HMCN1: variants seen among roughly 807,000 people sequenced by gnomAD.
HMCN1 encodes the protein hemicentin-1.
HMCN1 carries 321 observed loss-of-function variants against 625.9 expected under a neutral mutation model. The ratio of observed to expected loss-of-function variants is 0.51; its 90% CI spans 0.47 to 0.56. The LOEUF is 0.56. Among genes scored for constraint, HMCN1 ranks in the 20% least tolerant of loss-of-function variants. HMCN1 has a pLI of 0.00. For synonymous variants in HMCN1, 2,425 were observed against 2,417.6 expected, an observed-to-expected ratio of 1.00 and a Z score of -0.09; for missense variants, 6,588 against 6,887.3, an observed-to-expected ratio of 0.96 and a Z score of 1.54.
At chr1:185,780,630 G>A (rs183834576) in intron 1 of HMCN1, among the ~76,000 whole-genome samples, 6,170 of 152,236 alleles carry the variant, frequency 0.041, 405 homozygotes, top group African/African-American at 0.14. Context: ...CTTTGGTTCT[G>A]TTTATATGCT....
At chr1:185,927,625 G>T (rs1235770982) in intron 9 of HMCN1, among the ~76,000 whole-genome samples, 1 of 152,082 alleles carries the variant, frequency 6.6e-6, no homozygotes, top group African/African-American at 2.4e-5. Context: ...TTTGGATGGG[G>T]AGCGATCTAG....
At chr1:186,155,710 A>G (rs1164601289) in intron 97 of HMCN1, among the ~76,000 whole-genome samples, 1 of 152,152 alleles carries the variant, frequency 6.6e-6, no homozygotes, top group African/African-American at 2.4e-5. Flanking sequence ...GCCCCTTACT[A>G]TCCTTAGACA....
At position 185,812,333 on chromosome 1, in the gene HMCN1, A is replaced by C. The variant is rs56391932; in HGVS notation, c.269-33693A>C. Among the ~76,000 whole-genome samples, 95 of 152,298 alleles carry C rather than the reference A, an allele frequency of 6.2e-4. No homozygotes were observed. The Middle Eastern group carries it at 0.017, about 27-fold the overall frequency. ...TCAAATCAACGGAAAATACATACACAAGAGACTGCATCATCTTAAAAGCTA... is the reference window on the plus strand; with the variant it reads ...TCAAATCAACGGAAAATACATACACCAGAGACTGCATCATCTTAAAAGCTA... On this transcript the variant is annotated intron_variant, in intron 1 of 106. Coordinates refer to ENST00000271588, the MANE Select transcript of HMCN1 (RefSeq NM_031935.3).
chr1:186,090,099 C>T (rs535902656), intron 63 of HMCN1, among the ~76,000 whole-genome samples: 27 of 151,982 alleles, frequency 1.8e-4, no homozygotes, highest in African/African-American at 5.8e-4. Flanking sequence ...CTACCTTCTG[C>T]ACATCGCTAT....
intron 34 of HMCN1, 104 bp from the exon 35 acceptor site, chr1:186,019,435 CTT>C (rs11290212): frequency 3.4e-4 from 239 of 706,384 alleles, no homozygotes; most frequent in Admixed American, 9.6e-4. Context: ...TAGGGATTTG[CTT>C]TTTTTTTTTC....
chr1:185,945,890 T>A (rs12035961), intron 11 of HMCN1, among the ~76,000 whole-genome samples: 1 of 152,298 alleles, frequency 6.6e-6, no homozygotes, highest in East Asian at 1.9e-4. Flanking sequence ...GAGGAATCAT[T>A]TGGTTTTGTG....
chr1:185,865,421 A>G (rs1419233755), intron 3 of HMCN1, among the ~76,000 whole-genome samples: 2 of 152,172 alleles, frequency 1.3e-5, no homozygotes, highest in Non-Finnish European at 2.9e-5. Flanking sequence ...ACTGAGTGAT[A>G]CAGGGAGGGG....
chr1:185,908,818 A>ATATAATTATAGCATACT (rs1375442573), intron 4 of HMCN1, among the ~76,000 whole-genome samples: 1 of 148,560 alleles, frequency 6.7e-6, no homozygotes, highest in South Asian at 2.1e-4. Context: ...AGTATGCTGT[A>ATATAATTATAGCATACT]ATATATTATA....
chr1:185,921,576 G>T (rs1353145887), intron 6 of HMCN1, among the ~76,000 whole-genome samples: 1 of 152,060 alleles, frequency 6.6e-6, no homozygotes, highest in South Asian at 2.1e-4. Context: ...ACCTCAATAT[G>T]TGCCTTCTCA....
intron 100 of HMCN1, among the ~76,000 whole-genome samples, chr1:186,170,958 A>G (rs1176192785): frequency 6.6e-6 from 1 of 152,220 alleles, no homozygotes; most frequent in African/African-American, 2.4e-5. Context: ...AGAAAGGACA[A>G]TTGCAAAAGA....
chr1:185,833,825 C>A (rs1215571369), intron 1 of HMCN1, among the ~76,000 whole-genome samples: 4 of 151,936 alleles, frequency 2.6e-5, no homozygotes, highest in Non-Finnish European at 4.4e-5. Context: ...TTTCCAATTT[C>A]TTCAGATATC....
intron 4 of HMCN1, among the ~76,000 whole-genome samples, chr1:185,885,643 G>T (rs1406528804): frequency 6.6e-6 from 1 of 151,576 alleles, no homozygotes; most frequent in Admixed American, 6.6e-5. Context: ...ACTGCTTATT[G>T]CTCTGTTACT....
At chr1:186,081,966 G>T (rs1322071987) in intron 56 of HMCN1, among the ~76,000 whole-genome samples, 1 of 152,110 alleles carries the variant, frequency 6.6e-6, no homozygotes, top group Non-Finnish European at 1.5e-5. Context: ...ATTGGCTCAA[G>T]AATCCAAGCA....
At chr1:185,914,046 A>G (rs1490890358) in intron 6 of HMCN1, among the ~76,000 whole-genome samples, 1 of 152,158 alleles carries the variant, frequency 6.6e-6, no homozygotes, top group Non-Finnish European at 1.5e-5. Context: ...AGCCTTCACC[A>G]AAAGAGCCTC....
At chr1:185,886,479 TAA>T (rs1197323254) in intron 4 of HMCN1, among the ~76,000 whole-genome samples, 3 of 152,112 alleles carry the variant, frequency 2.0e-5, no homozygotes, top group South Asian at 4.1e-4. Flanking sequence ...TTTCTCATTA[TAA>T]GTCTTTTTAA....
chr1:186,163,241 AT>A (rs1558272509), intron 97 of HMCN1, among the ~76,000 whole-genome samples: 1 of 152,194 alleles, frequency 6.6e-6, no homozygotes, highest in Non-Finnish European at 1.5e-5. Flanking sequence ...CTGGTGCGCC[AT>A]TTTTTAAGCC....
intron 4 of HMCN1, among the ~76,000 whole-genome samples, chr1:185,882,757 T>G (rs1345529933): frequency 6.6e-6 from 1 of 152,098 alleles, no homozygotes; most frequent in African/African-American, 2.4e-5. Context: ...GAGAAATAAT[T>G]ATTTATAATG....
At chr1:185,766,961 A>G (rs1436797838) in intron 1 of HMCN1, among the ~76,000 whole-genome samples, 1 of 152,082 alleles carries the variant, frequency 6.6e-6, no homozygotes, top group Non-Finnish European at 1.5e-5. Flanking sequence ...GGGAATAGGA[A>G]ACTAAAATCC....
chr1:186,041,168 G>C (rs1205393422), intron 40 of HMCN1, 32 bp downstream of exon 40: 1 of 1,593,934 alleles, frequency 6.3e-7, no homozygotes, highest in Non-Finnish European at 8.6e-7. Context: ...TTCTCTTCTG[G>C]TAGAGATATG....
Sources: allele counts gnomAD v4.1 joint callset (sites outside exome capture counted in the v4.1 genomes callset), GRCh38; gene constraint gnomAD v4.1.1; transcripts MANE v1.5; gene names NCBI Gene and HGNC (gene_info 2026-07-23, HGNC 2026-07-21).